CDH13: variants seen among roughly 807,000 people sequenced by gnomAD.
CDH13 encodes cadherin 13.
CDH13 carries 24 observed loss-of-function variants against 63.8 expected under a neutral mutation model. The ratio of observed to expected loss-of-function variants is 0.38; its 90% CI spans 0.27 to 0.53. CDH13 has a LOEUF of 0.53. Among genes scored for constraint, CDH13 ranks in the 20% least tolerant of loss-of-function variants. The probability of loss-of-function intolerance (pLI) is 0.85; values close to 1 mark genes in which losing one functional copy is unlikely to be tolerated. For missense variants in CDH13, 1,049 were observed against 903.1 expected, an observed-to-expected ratio of 1.16 and a Z score of -2.07; for synonymous variants, 503 against 355.3, an observed-to-expected ratio of 1.42 and a Z score of -4.67.
intron 5 of CDH13, among the ~76,000 whole-genome samples, chr16:83,243,787 G>C (rs1350582826): frequency 6.6e-6 from 1 of 152,106 alleles, no homozygotes; most frequent in African/African-American, 2.4e-5. Flanking sequence ...TTATACTTAT[G>C]GTCAGTTAGT....
intron 6 of CDH13, among the ~76,000 whole-genome samples, chr16:83,426,064 A>G (rs953954618): frequency 3.3e-5 from 5 of 152,180 alleles, no homozygotes; most frequent in Admixed American, 6.5e-5. Flanking sequence ...CTTAACTCCA[A>G]TGTTTCAAAG....
intron 5 of CDH13, among the ~76,000 whole-genome samples, chr16:83,277,109 A>T (rs894606398): frequency 1.3e-5 from 2 of 152,184 alleles, no homozygotes; most frequent in East Asian, 1.9e-4. Context: ...TCACAGAACT[A>T]CCACAATACC....
At chr16:83,030,104 C>G (rs941967023) in intron 2 of CDH13, among the ~76,000 whole-genome samples, 2 of 152,158 alleles carry the variant, frequency 1.3e-5, no homozygotes, top group African/African-American at 4.8e-5. Flanking sequence ...GCCCTGTGCT[C>G]CATTTGTTCA....
chr16:83,353,191 C>T (rs1019999707), intron 6 of CDH13, among the ~76,000 whole-genome samples: 7 of 152,354 alleles, frequency 4.6e-5, no homozygotes, highest in East Asian at 3.9e-4. Flanking sequence ...GTCCGTGTAA[C>T]GAAACTGCAC....
At chr16:83,502,318 C>A (rs2074301283) in intron 7 of CDH13, among the ~76,000 whole-genome samples, 1 of 152,018 alleles carries the variant, frequency 6.6e-6, no homozygotes, top group Non-Finnish European at 1.5e-5. Flanking sequence ...TGCTCTAGTG[C>A]TGGCTTTGAA....
Position 83,398,763 on chromosome 16 carries a change from G to A in CDH13, c.781+53757G>A, listed in dbSNP as rs73597967. The stretch of plus-strand genomic sequence containing the variant: ...CCAAAGAGAGAGAAAATAATACAAT[G>A]CCTTCTTTGAAATAGCACCTTTTCA... On this transcript the variant is annotated intron_variant, in intron 6 of 13. Coordinates refer to ENST00000567109, the MANE Select transcript of CDH13 (RefSeq NM_001257.5). Among the ~76,000 whole-genome samples, 339 of 152,296 alleles carry A rather than the reference G, an allele frequency of 2.2e-3. 3 individuals are homozygous for A. Among genetic ancestry groups the A allele is most frequent in the African/African-American group, 7.1e-3 (296 of 41,558 alleles).
chr16:83,745,267 C>T (rs145756562), intron 10 of CDH13, among the ~76,000 whole-genome samples: 10 of 152,168 alleles, frequency 6.6e-5, no homozygotes, highest in Non-Finnish European at 1.0e-4. Flanking sequence ...CCTCTCCTGG[C>T]GTCCTTCTGC....
chr16:83,054,351 T>A (rs1302806803), intron 3 of CDH13, among the ~76,000 whole-genome samples: 1 of 152,194 alleles, frequency 6.6e-6, no homozygotes, highest in East Asian at 1.9e-4. Context: ...TACAGTAATA[T>A]GCCAGCATCA....
chr16:82,848,865 A>G lies in CDH13; in HGVS notation c.46-9497A>G, dbSNP rs114511911. ...TAAGCTAAGTGAGGAAGGCATGTCAAAAGCTGAGGTAGGCTGAAAGCTAGG... is the reference window on the plus strand; with the variant it reads ...TAAGCTAAGTGAGGAAGGCATGTCAGAAGCTGAGGTAGGCTGAAAGCTAGG... On this transcript the variant is annotated intron_variant, in intron 1 of 13. Coordinates refer to ENST00000567109, the MANE Select transcript of CDH13 (RefSeq NM_001257.5). Among the ~76,000 whole-genome samples, 372 of 152,338 alleles carry G rather than the reference A, an allele frequency of 2.4e-3. 1 individual carries two copies. Among genetic ancestry groups the G allele is most frequent in the African/African-American group, 8.3e-3 (344 of 41,584 alleles).
chr16:83,072,383 A>T (rs1436166045), intron 3 of CDH13, among the ~76,000 whole-genome samples: 1 of 152,214 alleles, frequency 6.6e-6, no homozygotes, highest in South Asian at 2.1e-4. Context: ...GGGCATGTAC[A>T]TTACAATATG....
At chr16:83,227,197 G>A (rs2039866361) in intron 5 of CDH13, among the ~76,000 whole-genome samples, 1 of 152,218 alleles carries the variant, frequency 6.6e-6, no homozygotes, top group South Asian at 2.1e-4. Flanking sequence ...CACAGCTATG[G>A]GAACAGGTGG....
At chr16:83,347,845 G>A (rs2090871452) in intron 6 of CDH13, among the ~76,000 whole-genome samples, 1 of 152,102 alleles carries the variant, frequency 6.6e-6, no homozygotes, top group Admixed American at 6.6e-5. Context: ...GACTAGTCCG[G>A]GTCTGTCTAC....
chr16:83,533,398 C>G (rs1182299348), intron 7 of CDH13, among the ~76,000 whole-genome samples: 1 of 152,088 alleles, frequency 6.6e-6, no homozygotes, highest in East Asian at 1.9e-4. Context: ...GGAGGTGCCT[C>G]CCACACTCTT....
At chr16:83,562,981 A>G (rs1162174919) in intron 7 of CDH13, among the ~76,000 whole-genome samples, 1 of 152,228 alleles carries the variant, frequency 6.6e-6, no homozygotes, top group Non-Finnish European at 1.5e-5. Flanking sequence ...TCCCCTTTGG[A>G]TAAGTCCCCT....
chr16:83,667,160 C>T (rs73248731), intron 8 of CDH13, among the ~76,000 whole-genome samples: 11,291 of 151,812 alleles, frequency 0.074, 674 homozygotes, highest in African/African-American at 0.17. Flanking sequence ...AGGTAAATGC[C>T]GTTGTGGACC....
chr16:83,010,245 A>G (rs1292281501), intron 2 of CDH13, among the ~76,000 whole-genome samples: 1 of 151,348 alleles, frequency 6.6e-6, no homozygotes, highest in African/African-American at 2.4e-5. Flanking sequence ...CTGGCACAGC[A>G]CTTTGAGAAT....
chr16:83,128,364 C>A (rs1468939335), intron 4 of CDH13, among the ~76,000 whole-genome samples: 6 of 152,216 alleles, frequency 3.9e-5, no homozygotes, highest in African/African-American at 1.4e-4. Flanking sequence ...CCCAAAACCA[C>A]TGAGCCAAAA....
chr16:82,815,926 A>G (rs759593413), intron 1 of CDH13, among the ~76,000 whole-genome samples: 2 of 152,216 alleles, frequency 1.3e-5, no homozygotes, highest in African/African-American at 4.8e-5. Context: ...TGAATGCAAG[A>G]CACGTGTTTA....
rs185179689 is a variant in CDH13 at position 83,629,389 on chromosome 16, T to C, written c.1101+26795T>C. Among the ~76,000 whole-genome samples, 177 of 152,334 alleles carry C rather than the reference T, an allele frequency of 1.2e-3. 3 individuals are homozygous for C. The South Asian group carries it at 0.012, about 11-fold the overall frequency. ...TACATTCCAAAGTCTGAACTGTTATTTTATAAATGAATTTTCCCTCCAATT... is the reference window on the plus strand; with the variant it reads ...TACATTCCAAAGTCTGAACTGTTATCTTATAAATGAATTTTCCCTCCAATT... On this transcript the variant is annotated intron_variant, in intron 8 of 13. Coordinates refer to ENST00000567109, the MANE Select transcript of CDH13 (RefSeq NM_001257.5).
Sources: allele counts gnomAD v4.1 joint callset (sites outside exome capture counted in the v4.1 genomes callset), GRCh38; gene constraint gnomAD v4.1.1; transcripts MANE v1.5; gene names NCBI Gene and HGNC (gene_info 2026-07-23, HGNC 2026-07-21).